LRRC8D: variants seen among roughly 807,000 people sequenced by gnomAD.
LRRC8D encodes the protein leucine rich repeat containing 8 VRAC subunit D.
LRRC8D carries 20 observed loss-of-function variants against 55.8 expected under a neutral mutation model. The observed-to-expected ratio is 0.36, with a 90% CI of 0.25 to 0.52. The LOEUF is 0.52. Among genes scored for constraint, LRRC8D ranks in the 20% least tolerant of loss-of-function variants. The pLI, the probability that LRRC8D is intolerant of heterozygous loss-of-function variation, is 0.93. For synonymous variants in LRRC8D, 352 were observed against 377.0 expected (o/e 0.93, Z 0.77); for missense variants, 651 against 1,030.8 (o/e 0.63, Z 5.05).
intron 2 of LRRC8D, among the ~76,000 whole-genome samples, chr1:89,887,326 A>G (rs1456897491): frequency 6.6e-6 from 1 of 152,176 alleles, no homozygotes; most frequent in Admixed American, 6.5e-5. Flanking sequence ...CATTCACTAA[A>G]TGCTTGTTGA....
intron 2 of LRRC8D, among the ~76,000 whole-genome samples, chr1:89,916,561 G>T (rs141139103): frequency 2.2e-4 from 34 of 152,234 alleles, no homozygotes; most frequent in Non-Finnish European, 4.3e-4. Flanking sequence ...ATTGCCAAAG[G>T]TCATTAATGA....
intron 2 of LRRC8D, among the ~76,000 whole-genome samples, chr1:89,909,144 C>T (rs534460428): frequency 1.3e-5 from 2 of 152,192 alleles, no homozygotes; most frequent in East Asian, 3.9e-4. Flanking sequence ...CCAATTAAGG[C>T]AGATTTCACT....
chr1:89,830,530 C>T (rs1443313016), intron 1 of LRRC8D, among the ~76,000 whole-genome samples: 1 of 152,186 alleles, frequency 6.6e-6, no homozygotes, highest in Non-Finnish European at 1.5e-5. Context: ...GAGTTGGATA[C>T]TAGCAGTAGC....
At chr1:89,858,745 C>T (rs1661623196) in intron 2 of LRRC8D, among the ~76,000 whole-genome samples, 1 of 151,260 alleles carries the variant, frequency 6.6e-6, no homozygotes, top group African/African-American at 2.4e-5. Flanking sequence ...TTTGAGTCTT[C>T]TGAGAGAAGG....
rs1199158550 is a variant in LRRC8D, at chr1:89,934,350, C to A, written c.1282C>A (p.Gln428Lys). 3.1e-6 allele frequency: 5 copies of A among 1,613,538 alleles called. No individual in the cohort carries two copies. In the Admixed American group the frequency reaches 5.0e-5, roughly 16 times the overall value. The stretch of plus-strand genomic sequence containing the variant: ...TCTTCACATGGTAGACCAGTATGAC[C>A]AGCTATATTCCAAGCGTTTTGGTGT... Reference protein sequence around the residue: ...FLLHMVDQYDQLYSKRFGVFL... With the variant: ...FLLHMVDQYDKLYSKRFGVFL... The change falls in exon 3 of 3, where the codon CAG becomes AAG. Residue 428 changes from glutamine (Q) to lysine (K), a missense_variant. Physicochemically the swap from Gln to Lys is moderately conservative, Grantham distance 53. Transcript: ENST00000337338. This position sits in a 1 kb window ranked among gnomAD's most constrained non-coding sequence, Gnocchi z 5.9.
intron 2 of LRRC8D, among the ~76,000 whole-genome samples, chr1:89,872,162 G>A (rs1460037882): frequency 1.3e-5 from 2 of 152,230 alleles, no homozygotes; most frequent in South Asian, 2.1e-4. Flanking sequence ...TAGTTTAAAC[G>A]TAAATTATTC....
intron 2 of LRRC8D, among the ~76,000 whole-genome samples, chr1:89,901,750 A>G (rs1360722214): frequency 6.6e-6 from 1 of 152,246 alleles, no homozygotes; most frequent in Non-Finnish European, 1.5e-5. Context: ...TAAAGCCGTG[A>G]TCATGAGAAA....
At chr1:89,824,160 C>G (rs572147369) in intron 1 of LRRC8D, among the ~76,000 whole-genome samples, 1 of 152,242 alleles carries the variant, frequency 6.6e-6, no homozygotes, top group East Asian at 1.9e-4. Context: ...ACATCAACCC[C>G]CTTCCTCCTA....
At chr1:89,830,226 GTTTTACTTTAACTATTGAATTATTTA>G (rs902217378) in intron 1 of LRRC8D, among the ~76,000 whole-genome samples, 1 of 152,002 alleles carries the variant, frequency 6.6e-6, no homozygotes, top group African/African-American at 2.4e-5. Context: ...TTCTGTTCAA[GTTTTACTTTAACTATTGAATTATTTA>G]TCTTAACATT....
In LRRC8D at chr1:89,839,623, G is replaced by A. The variant is rs76086455; in HGVS notation, c.-147-4015G>A. Among the ~76,000 whole-genome samples, 813 of 152,292 alleles carry A rather than the reference G, an allele frequency of 5.3e-3. 9 individuals carry two copies. The highest frequency in any genetic ancestry group is 0.018 in the African/African-American group (756 of 41,546). On this transcript the variant is annotated intron_variant, in intron 1 of 2. Coordinates refer to ENST00000337338, the MANE Select transcript of LRRC8D (RefSeq NM_001134479.2). ...GGCCAGCCAGTTGGCTCTGCGAAAG[G>A]CTTCCTTGAAAGCCATGGTTCAGGT... is the stretch of plus-strand genomic sequence containing the variant.
chr1:89,896,872 A>G (rs2100897426), intron 2 of LRRC8D, among the ~76,000 whole-genome samples: 1 of 152,354 alleles, frequency 6.6e-6, no homozygotes, highest in Admixed American at 6.5e-5. Flanking sequence ...AAAAAAAATT[A>G]CTACTTGTTG....
At chr1:89,850,040 C>T (rs1431400105) in intron 2 of LRRC8D, among the ~76,000 whole-genome samples, 5 of 152,136 alleles carry the variant, frequency 3.3e-5, no homozygotes, top group African/African-American at 1.2e-4. Context: ...GGTTTTTAAA[C>T]TCTTTGTAAT....
chr1:89,914,475 C>A (rs543476332), intron 2 of LRRC8D, among the ~76,000 whole-genome samples: 2 of 152,190 alleles, frequency 1.3e-5, no homozygotes, highest in Non-Finnish European at 2.9e-5. Flanking sequence ...GAGGAGGTGC[C>A]GAGAGCAAGC....
chr1:89,830,669 C>T (rs1179644123), intron 1 of LRRC8D, among the ~76,000 whole-genome samples: 2 of 152,110 alleles, frequency 1.3e-5, no homozygotes, highest in East Asian at 3.9e-4. Flanking sequence ...ATTGTTGCCG[C>T]GTGGGAATGT....
chr1:89,891,222 T>A (rs1357019346), intron 2 of LRRC8D, among the ~76,000 whole-genome samples: 1 of 152,238 alleles, frequency 6.6e-6, no homozygotes, highest in East Asian at 1.9e-4. Context: ...GGAAGCATAC[T>A]GGCCAGTTAC....
At position 89,911,708 on chromosome 1, in the gene LRRC8D, T is replaced by C. The variant is rs1361922432; in HGVS notation, c.-2-21359T>C. ...ACCCTTGCACACGTGAGCCAGACTT[T>C]TTCACCGAAAGTGCTCAGGCCAAAG... On this transcript the variant is annotated intron_variant, in intron 2 of 2. Transcript: ENST00000337338. The surrounding 1 kb of genome is among the most constrained non-coding windows in gnomAD (Gnocchi z 4.0). Among the ~76,000 whole-genome samples, 6 of 152,148 alleles carry C rather than the reference T, an allele frequency of 3.9e-5. No homozygotes were observed. The highest frequency in any genetic ancestry group is 7.3e-5 in the Non-Finnish European group (5 of 68,032).
chr1:89,919,622 TA>T (rs1663359874), intron 2 of LRRC8D, among the ~76,000 whole-genome samples: 1 of 152,226 alleles, frequency 6.6e-6, no homozygotes, highest in South Asian at 2.1e-4. Flanking sequence ...AACTGTCTCA[TA>T]AACTGGATGA....
chr1:89,912,462 T>C (rs1663159201), intron 2 of LRRC8D, among the ~76,000 whole-genome samples: 1 of 139,238 alleles, frequency 7.2e-6, no homozygotes, highest in African/African-American at 2.6e-5. Context: ...TGTTCTCCAA[T>C]ATTCTGAGAT....
At chr1:89,860,273 C>T (rs892390782) in intron 2 of LRRC8D, among the ~76,000 whole-genome samples, 1 of 152,184 alleles carries the variant, frequency 6.6e-6, no homozygotes, top group African/African-American at 2.4e-5. Flanking sequence ...TCTGATCTCT[C>T]TCAGATCAAT....
Sources: gnomAD v4.1 joint callset for allele counts (sites outside exome capture counted in the v4.1 genomes callset) on GRCh38, gnomAD v4.1.1 for gene constraint, Gnocchi (gnomAD v3.1) non-coding constraint, MANE v1.5 for transcripts, NCBI Gene and HGNC (gene_info 2026-07-23, HGNC 2026-07-21) for gene names.